Variants in ADCY2 observed in about 807,000 individuals in gnomAD.
The protein encoded by ADCY2 is adenylate cyclase 2.
A neutral mutation model predicts 125.2 loss-of-function variants in ADCY2; 31 were observed. The ratio of observed to expected loss-of-function variants is 0.25; its 90% confidence interval spans 0.19 to 0.33. The LOEUF (loss-of-function observed/expected upper bound fraction) is 0.33, where lower values mean the gene tolerates loss of function less well. ADCY2 is among the 10% of genes least tolerant of loss of function. ADCY2 has a pLI of 1.00. For missense variants in ADCY2, 904 were observed against 1,418.2 expected, an observed-to-expected ratio of 0.64 and a Z score of 5.82; for synonymous variants, 512 against 548.4, an observed-to-expected ratio of 0.93 and a Z score of 0.93.
intron 7 of ADCY2, among the ~76,000 whole-genome samples, chr5:7,701,252 G>A (rs1235555814): frequency 6.6e-6 from 1 of 152,034 alleles, no homozygotes; most frequent in Admixed American, 6.5e-5. Flanking sequence ...AAAATTATGT[G>A]CATCAATAAC....
chr5:7,766,920 A>G (rs1331688119), intron 17 of ADCY2, 114 bp downstream of exon 17: 3 of 1,337,984 alleles, frequency 2.2e-6, no homozygotes. Context: ...CCTCTCTGGT[A>G]TCAATCCCTG....
At chr5:7,640,071 A>AT (rs1738641050) in intron 4 of ADCY2, among the ~76,000 whole-genome samples, 3 of 152,234 alleles carry the variant, frequency 2.0e-5, no homozygotes, top group Admixed American at 2.0e-4. Flanking sequence ...GCTAGTCTTT[A>AT]TTAAAACACT....
chr5:7,584,642 G>T (rs1033344399), intron 3 of ADCY2, among the ~76,000 whole-genome samples: 1 of 152,098 alleles, frequency 6.6e-6, no homozygotes, highest in Non-Finnish European at 1.5e-5. Context: ...TGCTGAAATT[G>T]ATAAAAAAAT....
intron 4 of ADCY2, among the ~76,000 whole-genome samples, chr5:7,676,556 C>T (rs183399030): frequency 2.6e-5 from 4 of 152,118 alleles, no homozygotes; most frequent in African/African-American, 9.6e-5. Flanking sequence ...TATGGATTTA[C>T]GTCTACAACA....
rs563738674 is a variant in ADCY2 at position 7,511,181 on chromosome 5, G to C, written c.409-9557G>C. Among the ~76,000 whole-genome samples the C allele has an allele frequency of 1.8e-4, 27 of 152,190 alleles. No individual in the cohort carries two copies. In the East Asian group the frequency reaches 5.0e-3, roughly 28 times the overall value. The stretch of plus-strand genomic sequence containing the variant: ...TCCCAACAGTGTCCTTGTCCCCATA[G>C]AGCCTGCATATATATGGGGGAAGAC... On this transcript the variant is annotated intron_variant, in intron 2 of 24. Coordinates refer to ENST00000338316, the MANE Select transcript of ADCY2 (RefSeq NM_020546.3).
intron 5 of ADCY2, among the ~76,000 whole-genome samples, chr5:7,695,543 C>G (rs1281525620): frequency 6.6e-6 from 1 of 152,102 alleles, no homozygotes; most frequent in Non-Finnish European, 1.5e-5. Context: ...CTTCACTCCC[C>G]ATCTTAACTA....
chr5:7,687,076 G>C (rs765166035), intron 4 of ADCY2, among the ~76,000 whole-genome samples: 1 of 152,144 alleles, frequency 6.6e-6, no homozygotes, highest in Admixed American at 6.5e-5. Context: ...AGTTACCAAC[G>C]TCTTCATTTC....
chr5:7,608,991 C>T (rs1737481739), intron 3 of ADCY2, among the ~76,000 whole-genome samples: 1 of 152,208 alleles, frequency 6.6e-6, no homozygotes, highest in South Asian at 2.1e-4. Flanking sequence ...ACCCACTTCC[C>T]CTTTTTTATG....
At position 7,451,343 on chromosome 5, in the gene ADCY2, TTCGTCTTTGTTCAATGCA is replaced by T. The variant is rs553522376; in HGVS notation, c.408+36575_408+36592del. On this transcript the variant is annotated intron_variant, in intron 2 of 24. Transcript: ENST00000338316. The stretch of plus-strand genomic sequence containing the variant: ...GTTGAGTTCAACCCTCATGGGTGAC[TTCGTCTTTGTTCAATGCA>T]TGGAGGAAGTAACTGTGGATATGGT... 1.9e-4 allele frequency among the ~76,000 whole-genome samples: 29 copies of T among 152,338 alleles called. No homozygotes were observed. The East Asian group carries it at 4.6e-3, about 24-fold the overall frequency.
At chr5:7,452,497 C>T (rs942855069) in intron 2 of ADCY2, among the ~76,000 whole-genome samples, 1 of 152,200 alleles carries the variant, frequency 6.6e-6, no homozygotes, top group Non-Finnish European at 1.5e-5. Flanking sequence ...TTTAACCACT[C>T]ATCAGTTGAT....
intron 12 of ADCY2, among the ~76,000 whole-genome samples, chr5:7,721,611 G>A (rs13168000): frequency 0.97 from 147,597 of 152,314 alleles, 71,627 homozygotes; most frequent in Middle Eastern, 1. Context: ...AGCTTTCTAC[G>A]TATAGCTAGC....
At chr5:7,570,634 AAAAT>A (rs1285865270) in intron 3 of ADCY2, among the ~76,000 whole-genome samples, 1 of 151,188 alleles carries the variant, frequency 6.6e-6, no homozygotes. Context: ...AAAAAAAAAA[AAAAT>A]GCTTGTGTTT....
intron 23 of ADCY2, among the ~76,000 whole-genome samples, chr5:7,820,009 G>A (rs1363134080): frequency 1.3e-5 from 2 of 152,278 alleles, no homozygotes; most frequent in East Asian, 1.9e-4. Context: ...AGTGTCCAGC[G>A]GCTGACCCCT....
At chr5:7,820,419 G>C (rs1745258609) in intron 23 of ADCY2, 146 bp from the exon 24 acceptor site, 1 of 955,010 alleles carries the variant, frequency 1.0e-6, no homozygotes, top group African/African-American at 1.7e-5. Flanking sequence ...GCTTGAGCCT[G>C]GGAGGTGAAG....
At chr5:7,816,840 A>G (rs1185669134) in intron 22 of ADCY2, 26 bp from the exon 23 acceptor site, 5 of 1,590,656 alleles carry the variant, frequency 3.1e-6, no homozygotes, top group African/African-American at 2.7e-5. Context: ...TCTAACTTCC[A>G]TCTGCCTGTG....
intron 2 of ADCY2, among the ~76,000 whole-genome samples, chr5:7,474,568 C>T (rs1433414090): frequency 2.0e-5 from 3 of 152,040 alleles, no homozygotes; most frequent in Admixed American, 2.0e-4. Context: ...AGACAATTTT[C>T]CAGACAGAAG....
intron 2 of ADCY2, among the ~76,000 whole-genome samples, chr5:7,519,422 A>G (rs537667502): frequency 1.1e-4 from 16 of 152,280 alleles, no homozygotes; most frequent in African/African-American, 3.8e-4. Context: ...AAAGTGGGGC[A>G]TGCTTTCCTT....
chr5:7,466,606 G>C (rs1443491115), intron 2 of ADCY2, among the ~76,000 whole-genome samples: 2 of 152,204 alleles, frequency 1.3e-5, no homozygotes, highest in African/African-American at 4.8e-5. Flanking sequence ...TGGAAGAGAA[G>C]TGAAAACACC....
chr5:7,623,897 C>T (rs1423739198), intron 3 of ADCY2, among the ~76,000 whole-genome samples: 1 of 152,200 alleles, frequency 6.6e-6, no homozygotes, highest in Non-Finnish European at 1.5e-5. Flanking sequence ...ACCACACACA[C>T]AGAGCAATTC....
Sources: allele counts gnomAD v4.1 joint callset (sites outside exome capture counted in the v4.1 genomes callset), GRCh38; gene constraint gnomAD v4.1.1; transcripts MANE v1.5; gene names NCBI Gene and HGNC (gene_info 2026-07-23, HGNC 2026-07-21).